The following FRA10AC1 variants were observed in gnomAD, a reference collection of about 807,000 sequenced individuals.
FRA10AC1 encodes the protein FRA10A associated CGG repeat 1.
A neutral mutation model predicts 56.5 loss-of-function variants in FRA10AC1; 43 were observed. The observed-to-expected ratio is 0.76, with a 90% CI of 0.60 to 0.98. The LOEUF (loss-of-function observed/expected upper bound fraction) is 0.98. Ranked by LOEUF, FRA10AC1 falls within the 50% of genes least tolerant of loss-of-function variation. The pLI is 0.00. For synonymous variants in FRA10AC1, 112 were observed against 110.5 expected (o/e 1.01, Z -0.09); for missense variants, 346 against 351.8 (o/e 0.98, Z 0.13).
At chr10:93,672,044 A>G (rs2058771589) in intron 12 of FRA10AC1, 1 of 450,460 alleles carries the variant, frequency 2.2e-6, no homozygotes. Flanking sequence ...TAACTCACAA[A>G]GTAGTTACAT....
In FRA10AC1 at chr10:93,687,431, C is replaced by T. The variant is rs2059050361; in HGVS notation, c.484G>A (p.Val162Ile). ...TTTCCTGAAATTACTTCTTTTTCTA[C>T]TCGCCACCTAAATCCAAACTGATAA... Reference protein sequence around the residue: ...KENKFGFRWRVEKEVISGKGQ... With the variant: ...KENKFGFRWRIEKEVISGKGQ... Residue 162 changes from valine (V) to isoleucine (I), a missense_variant, in exon 8 of 14, where the codon GTA becomes ATA. Coordinates refer to ENST00000359204, the MANE Select transcript of FRA10AC1 (RefSeq NM_145246.5). The T allele has an allele frequency of 6.6e-7, 1 of 1,517,564 alleles. No individual in the cohort carries two copies. Among genetic ancestry groups the T allele is most frequent in the Admixed American group, 2.0e-5 (1 of 50,448 alleles). 94.0% of individuals were successfully genotyped at this position (1,517,564 alleles called of 1,614,324 possible). A position where few individuals can be genotyped will look rare whatever the true frequency, so the allele number is the denominator to read the frequency against.
In FRA10AC1 at chr10:93,683,336, C is replaced by T. The variant is rs911815195; in HGVS notation, c.668+720G>A. 2.0e-5 allele frequency among the ~76,000 whole-genome samples: 3 copies of T among 149,718 alleles called. No homozygotes were observed. In the East Asian group the frequency reaches 5.9e-4, roughly 29 times the overall value. On this transcript the variant is annotated intron_variant, in intron 10 of 13. Transcript: ENST00000359204. Reference sequence around the variant, plus strand: ...TGTGGCAGATACATTAAAGCTCATTCAATAAAAGCCTGATTTTAACTTTTT... The same window carrying T: ...TGTGGCAGATACATTAAAGCTCATTTAATAAAAGCCTGATTTTAACTTTTT...
chr10:93,682,353 A>G (rs1165600451), intron 10 of FRA10AC1, among the ~76,000 whole-genome samples: 1 of 152,226 alleles, frequency 6.6e-6, no homozygotes, highest in Non-Finnish European at 1.5e-5. Flanking sequence ...AAATGCTATA[A>G]TAGTATTTAA....
chr10:93,698,786 G>A (rs2059279323), intron 2 of FRA10AC1, among the ~76,000 whole-genome samples: 1 of 149,790 alleles, frequency 6.7e-6, no homozygotes, highest in Admixed American at 6.6e-5. Context: ...CAAAAAGCAA[G>A]GCTGATTATA....
intron 4 of FRA10AC1, among the ~76,000 whole-genome samples, chr10:93,697,653 T>G (rs2059255526): frequency 6.6e-6 from 1 of 152,168 alleles, no homozygotes; most frequent in Non-Finnish European, 1.5e-5. Context: ...GCCTAAAAAT[T>G]AAAGCCATGG....
Position 93,669,018 on chromosome 10 carries a change from G to A in FRA10AC1, c.*808C>T, listed in dbSNP as rs1564809056. 6.6e-6 allele frequency: 1 copy of A among 152,064 alleles called. No individual in the cohort carries two copies. The highest frequency in any genetic ancestry group is 1.5e-5 in the Non-Finnish European group (1 of 68,032). 9.4% of individuals were successfully genotyped at this position (152,064 alleles called of 1,614,324 possible). A position where few individuals can be genotyped will look rare whatever the true frequency, so the allele number is the denominator to read the frequency against. On this transcript the variant is annotated 3_prime_UTR_variant, in exon 14 of 14. Coordinates refer to ENST00000359204, the MANE Select transcript of FRA10AC1 (RefSeq NM_145246.5). ...AACACATGAACTGTTTTAGACTACT[G>A]GGACCTCACTGGCTCCCTGTGGTAA... is the stretch of plus-strand genomic sequence containing the variant.
At chr10:93,694,531 T>C (rs1476623485) in intron 5 of FRA10AC1, among the ~76,000 whole-genome samples, 10 of 151,818 alleles carry the variant, frequency 6.6e-5, no homozygotes, top group African/African-American at 2.4e-4. Context: ...CTGGCCAAGA[T>C]GGTGAAACCC....
At chr10:93,688,379 C>T (rs1006736665) in intron 7 of FRA10AC1, among the ~76,000 whole-genome samples, 10 of 152,076 alleles carry the variant, frequency 6.6e-5, no homozygotes, top group African/African-American at 2.4e-4. Flanking sequence ...AGGTGGAGCA[C>T]AGAGGATTTT....
Position 93,669,840 on chromosome 10 carries a change from C to A in FRA10AC1, c.934G>T (p.Asp312Tyr). Residue 312 changes from aspartate to tyrosine, a missense_variant, in exon 14 of 14, where the codon GAT (aspartate) becomes TAT (tyrosine). By Grantham distance (160) the Asp-to-Tyr change is radical (BLOSUM62 -3). Transcript: ENST00000359204. ...TCTCTCTCGTCTCATAGAAACAAAT[C>A]CTGAAAATACTCATCAAATTCTTCT... The part of the protein sequence containing the change: ...QEEEFDEYFQ[D>Y]LFL 3 of 1,580,870 alleles carry A rather than the reference C, an allele frequency of 1.9e-6. No homozygotes were observed. Among genetic ancestry groups the A allele is most frequent in the Middle Eastern group, 1.7e-4 (1 of 5,794 alleles).
chr10:93,691,501 A>G (rs1157182619), intron 7 of FRA10AC1, among the ~76,000 whole-genome samples: 1 of 152,202 alleles, frequency 6.6e-6, no homozygotes, highest in African/African-American at 2.4e-5. Flanking sequence ...TAACTAAAGT[A>G]AGATGTAAAG....
At chr10:93,679,484 G>A (rs1242142020) in intron 11 of FRA10AC1, among the ~76,000 whole-genome samples, 6 of 152,188 alleles carry the variant, frequency 3.9e-5, no homozygotes, top group African/African-American at 4.8e-5. Flanking sequence ...TAGACCTGAA[G>A]GATGAGCTGG....
intron 9 of FRA10AC1, 86 bp downstream of exon 9, chr10:93,685,160 T>C (rs1327244372): frequency 5.7e-6 from 4 of 696,304 alleles, no homozygotes; most frequent in African/African-American, 1.9e-5. Context: ...ATGTTAAAAA[T>C]TGCATTTGAA....
chr10:93,694,713 TAAAAA>T (rs10554752), intron 5 of FRA10AC1, 143 bp downstream of exon 5: 400 of 240,340 alleles, frequency 1.7e-3, no homozygotes, highest in East Asian at 3.4e-3. Context: ...GACTCCATCT[TAAAAA>T]AAAAAAAAAA....
intron 11 of FRA10AC1, among the ~76,000 whole-genome samples, chr10:93,679,541 C>T (rs1482691188): frequency 6.6e-6 from 1 of 152,052 alleles, no homozygotes; most frequent in Non-Finnish European, 1.5e-5. Flanking sequence ...ATCCATGTAA[C>T]CCCTAAAATT....
At position 93,692,103 on chromosome 10, in the gene FRA10AC1, T is replaced by C; in HGVS notation, c.381-10A>G. 1.4e-6 allele frequency: 2 copies of C among 1,471,482 alleles called. No homozygotes were observed. Among genetic ancestry groups the C allele is most frequent in the Admixed American group, 2.7e-5 (1 of 37,318 alleles). The allele number at this position is 1,471,482 out of a possible 1,614,324, so 91.2% of individuals were successfully genotyped here. ...AGCAAGTCTCTTCTCCCTAGACCCATGAAAATATAAATATTATACATTTAG... is the reference window on the plus strand; with the variant it reads ...AGCAAGTCTCTTCTCCCTAGACCCACGAAAATATAAATATTATACATTTAG... On this transcript the variant is annotated splice_polypyrimidine_tract_variant and intron_variant, in intron 6 of 13. Coordinates refer to ENST00000359204, the MANE Select transcript of FRA10AC1 (RefSeq NM_145246.5).
At chr10:93,677,322 C>T (rs2058859105) in intron 11 of FRA10AC1, among the ~76,000 whole-genome samples, 1 of 152,092 alleles carries the variant, frequency 6.6e-6, no homozygotes, top group Non-Finnish European at 1.5e-5. Flanking sequence ...TAAAAAAGGG[C>T]AGGTGACAGA....
rs796297929 is a variant in FRA10AC1 at position 93,693,547 on chromosome 10, T to TATATAC, written c.297-819_297-818insGTATAT. On this transcript the variant is annotated intron_variant, in intron 5 of 13. Transcript: ENST00000359204. Reference sequence around the variant, plus strand: ...TATATACACCATATATATATATATATACACACATACATACACCATATATAT... The same window carrying TATATAC: ...TATATACACCATATATATATATATATATATACACACACATACATACACCATATATAT... 9.5e-5 allele frequency among the ~76,000 whole-genome samples: 12 copies of TATATAC among 125,694 alleles called. 2 individuals are homozygous for TATATAC. The highest frequency in any genetic ancestry group is 2.8e-4 in the African/African-American group (9 of 32,044). The allele number at this position is 125,694 out of a possible 152,430, so 82.5% of individuals were successfully genotyped here. A position where few individuals can be genotyped will look rare whatever the true frequency, so the allele number is the denominator to read the frequency against.
intron 2 of FRA10AC1, 113 bp from the exon 3 acceptor site, chr10:93,698,509 A>G: frequency 1.7e-6 from 1 of 577,880 alleles, no homozygotes; most frequent in Non-Finnish European, 3.0e-6. Flanking sequence ...AACTTTAAGA[A>G]GACTCACTGA....
chr10:93,684,015 G>T, intron 10 of FRA10AC1, 41 bp downstream of exon 10: 1 of 1,322,958 alleles, frequency 7.6e-7, no homozygotes, highest in Non-Finnish European at 1.1e-6. Context: ...ACTATATCCT[G>T]GATTACTAAA....
Sources: gnomAD v4.1 joint callset for allele counts (sites outside exome capture counted in the v4.1 genomes callset) on GRCh38, gnomAD v4.1.1 for gene constraint, MANE v1.5 for transcripts, NCBI Gene and HGNC (gene_info 2026-07-23, HGNC 2026-07-21) for gene names.